Variants in ETV1 observed in about 807,000 individuals in gnomAD.
The protein encoded by ETV1 is ETS variant transcription factor 1.
In ETV1, 27 loss-of-function variants were observed where a neutral mutation model predicts 62.3. That is an observed-to-expected ratio of 0.43 (90% CI 0.32 to 0.60). The LOEUF is 0.60. Among genes scored for constraint, ETV1 ranks in the 20% least tolerant of loss-of-function variants. The pLI, the probability that ETV1 is intolerant of heterozygous loss-of-function variation, is 0.06. For missense variants in ETV1, 605 were observed against 605.8 expected, an observed-to-expected ratio of 1.00 and a Z score of 0.01; for synonymous variants, 222 against 199.6, an observed-to-expected ratio of 1.11 and a Z score of -0.94.
chr7:13,977,493 A>G lies in ETV1; in HGVS notation c.182-13T>C, dbSNP rs1288256080. 1 of 1,485,350 alleles carries G rather than the reference A, an allele frequency of 6.7e-7. No homozygotes were observed. The highest frequency in any genetic ancestry group is 2.3e-5 in the Admixed American group (1 of 43,970). The allele number at this position is 1,485,350 out of a possible 1,614,324, so 92.0% of individuals were successfully genotyped here. A position where few individuals can be genotyped will look rare whatever the true frequency, so the allele number is the denominator to read the frequency against. ...TCAGGTACCTGAGCTGAAGAAGAAA[A>G]AGAAAATTAAAAAAAATTAAGAGAG... On this transcript the variant is annotated splice_polypyrimidine_tract_variant and intron_variant, in intron 5 of 13. Coordinates refer to ENST00000430479, the MANE Select transcript of ETV1 (RefSeq NM_004956.5).
intron 6 of ETV1, chr7:13,975,018 T>C (rs1449680204): frequency 6.6e-6 from 1 of 152,372 alleles, no homozygotes; most frequent in Non-Finnish European, 1.5e-5. Context: ...GAGACAACAA[T>C]GTGGAAGACA....
intron 9 of ETV1, among the ~76,000 whole-genome samples, chr7:13,912,082 T>C (rs534563647): frequency 2.0e-5 from 3 of 152,356 alleles, no homozygotes; most frequent in Admixed American, 2.0e-4. Flanking sequence ...GAACTAATGT[T>C]GACACCCTGC....
intron 9 of ETV1, among the ~76,000 whole-genome samples, chr7:13,915,524 G>A (rs1784052097): frequency 6.6e-6 from 1 of 151,988 alleles, no homozygotes; most frequent in Non-Finnish European, 1.5e-5. Flanking sequence ...TAGATTTTTT[G>A]TTTGCTTACT....
At chr7:13,950,899 AACACACACACACACAC>A (rs67539493) in intron 6 of ETV1, among the ~76,000 whole-genome samples, 24 of 138,910 alleles carry the variant, frequency 1.7e-4, no homozygotes, top group East Asian at 4.3e-4. Flanking sequence ...CTTCTCTAGG[AACACACACACACACAC>A]ACACACACAC....
chr7:13,988,824 T>G, intron 3 of ETV1, 184 bp downstream of exon 3: 3 of 1,602,254 alleles, frequency 1.9e-6, no homozygotes, highest in Non-Finnish European at 2.6e-6. Flanking sequence ...CTTATCCAAA[T>G]CACTGAAAGG....
chr7:13,970,111 A>T (rs76177160), intron 6 of ETV1, among the ~76,000 whole-genome samples: 1 of 151,508 alleles, frequency 6.6e-6, no homozygotes, highest in Non-Finnish European at 1.5e-5. Context: ...AAAAAAAAAA[A>T]TTAGCCTGGC....
Position 13,906,438 on chromosome 7 carries a change from G to C in ETV1, c.1102C>G (p.Pro368Ala). Reference sequence around the variant, plus strand: ...AAATCTATTAAACTAACCTCTTCAGGCTCAATCAGTTTAAATTCCATGCCT... The same window carrying C: ...AAATCTATTAAACTAACCTCTTCAGCCTCAATCAGTTTAAATTCCATGCCT... Reference protein sequence around the residue: ...GRGMEFKLIEPEEVARRWGIQ... With the variant: ...GRGMEFKLIEAEEVARRWGIQ... The change falls in exon 12 of 14, where the codon CCT becomes GCT. Residue 368 changes from proline (P) to alanine (A), a missense_variant. Coordinates refer to ENST00000430479, the MANE Select transcript of ETV1 (RefSeq NM_004956.5). 1 of 1,596,290 alleles carries C rather than the reference G, an allele frequency of 6.3e-7. No homozygotes were observed. Among genetic ancestry groups the C allele is most frequent in the Non-Finnish European group, 8.5e-7 (1 of 1,172,062 alleles).
intron 12 of ETV1, among the ~76,000 whole-genome samples, chr7:13,905,527 CA>C (rs898006900): frequency 3.3e-5 from 5 of 152,160 alleles, no homozygotes; most frequent in African/African-American, 1.2e-4. Flanking sequence ...ATCAGCAGTC[CA>C]AAATGCTATT....
chr7:13,977,438 T>C lies in ETV1; in HGVS notation c.224A>G (p.Gln75Arg). The part of the protein sequence containing the change: ...DNDEQFVPDY[Q>R]AESLAFHGLP... ...CATACTATACTTACAACTTTCAGCC[T>C]GATAGTCTGGTACAAACTGCTCATC... The change falls in exon 6 of 14, where the codon CAG becomes CGG. Residue 75 changes from glutamine (Q) to arginine (R), a missense_variant. Gln to Arg is a conservative substitution (Grantham distance 43, BLOSUM62 1). This residue lies in a region of ETV1 where 426 missense variants were observed against 377.8 expected (regional missense o/e 1.13). Coordinates refer to ENST00000430479, the MANE Select transcript of ETV1 (RefSeq NM_004956.5). 6.5e-7 allele frequency: 1 copy of C among 1,542,906 alleles called. No individual in the cohort carries two copies. Among genetic ancestry groups the C allele is most frequent in the Non-Finnish European group, 8.8e-7 (1 of 1,139,966 alleles).
chr7:13,989,129 C>T lies in ETV1; in HGVS notation c.-77G>A, dbSNP rs1241380056. 7.8e-7 allele frequency: 1 copy of T among 1,280,234 alleles called. No homozygotes were observed. 79.3% of individuals were successfully genotyped at this position (1,280,234 alleles called of 1,614,324 possible). On this transcript the variant is annotated 5_prime_UTR_variant, in exon 3 of 14. Coordinates refer to ENST00000430479, the MANE Select transcript of ETV1 (RefSeq NM_004956.5). Reference sequence around the variant, plus strand: ...GCTGGAGATTTCCTCAGGATCTGGACTTCTATCAACCTAGAGGGGAACAAG... The same window carrying T: ...GCTGGAGATTTCCTCAGGATCTGGATTTCTATCAACCTAGAGGGGAACAAG...
At chr7:13,901,165 C>T (rs371894904) in intron 12 of ETV1, among the ~76,000 whole-genome samples, 1 of 152,156 alleles carries the variant, frequency 6.6e-6, no homozygotes, top group East Asian at 1.9e-4. Flanking sequence ...CCACCACGCC[C>T]GGCTAATTTT....
intron 4 of ETV1, 35 bp from the exon 5 acceptor site, chr7:13,986,720 T>G (rs113828455): frequency 9.3e-6 from 14 of 1,502,376 alleles, no homozygotes; most frequent in Non-Finnish European, 1.3e-5. Context: ...ACATAAGATT[T>G]GCAAATCTTT....
At chr7:13,965,085 C>A (rs757699) in intron 6 of ETV1, among the ~76,000 whole-genome samples, 1 of 151,986 alleles carries the variant, frequency 6.6e-6, no homozygotes, top group South Asian at 2.1e-4. Context: ...CATTCCCAAA[C>A]GGCTGTTCTC....
At chr7:13,909,040 G>A (rs1417505814) in intron 11 of ETV1, among the ~76,000 whole-genome samples, 3 of 151,010 alleles carry the variant, frequency 2.0e-5, no homozygotes, top group African/African-American at 7.3e-5. Flanking sequence ...CCTCTGCATT[G>A]CAATAGCAAG....
intron 9 of ETV1, among the ~76,000 whole-genome samples, chr7:13,930,961 T>C (rs1465527288): frequency 6.6e-6 from 1 of 151,718 alleles, no homozygotes; most frequent in African/African-American, 2.4e-5. Context: ...CCACCATGCC[T>C]GGCTAATTTT....
intron 6 of ETV1, among the ~76,000 whole-genome samples, chr7:13,962,270 T>C (rs762396388): frequency 2.0e-5 from 3 of 151,792 alleles, no homozygotes; most frequent in Non-Finnish European, 4.4e-5. Context: ...ATCCCATTTT[T>C]ATGCAAGAGG....
At position 13,930,911 on chromosome 7, in the gene ETV1, T is replaced by C. The variant is rs193064613; in HGVS notation, c.802+591A>G. 4.3e-4 allele frequency among the ~76,000 whole-genome samples: 64 copies of C among 150,232 alleles called. 1 individual carries two copies. The highest frequency in any genetic ancestry group is 1.4e-3 in the African/African-American group (57 of 40,916). On this transcript the variant is annotated intron_variant, in intron 9 of 13. Transcript: ENST00000430479. ...TGCCTCCCGGGTTCAAGCGATTCTCTTGCCTCAGCCTCCCGAGTAGCTGGG... is the reference window on the plus strand; with the variant it reads ...TGCCTCCCGGGTTCAAGCGATTCTCCTGCCTCAGCCTCCCGAGTAGCTGGG...
rs1781528243 is a variant in ETV1 at position 13,893,578 on chromosome 7, T to C, written c.*2288A>G. 1 of 231,166 alleles carries C rather than the reference T, an allele frequency of 4.3e-6. No homozygotes were observed. Among genetic ancestry groups the C allele is most frequent in the Admixed American group, 5.7e-5 (1 of 17,642 alleles). The allele number at this position is 231,166 out of a possible 1,614,324, so 14.3% of individuals were successfully genotyped here. A position where few individuals can be genotyped will look rare whatever the true frequency, so the allele number is the denominator to read the frequency against. On this transcript the variant is annotated 3_prime_UTR_variant, in exon 14 of 14. Coordinates refer to ENST00000430479, the MANE Select transcript of ETV1 (RefSeq NM_004956.5). ...TTAGCATGGCCCAATTCTTCCTCACTGACTGACTAAAACTAGACTATTAAA... is the reference window on the plus strand; with the variant it reads ...TTAGCATGGCCCAATTCTTCCTCACCGACTGACTAAAACTAGACTATTAAA...
intron 5 of ETV1, 43 bp from the exon 6 acceptor site, chr7:13,977,523 T>G: frequency 7.6e-7 from 1 of 1,322,958 alleles, no homozygotes; most frequent in Non-Finnish European, 1.1e-6. Context: ...AGAGAGAAAC[T>G]GCCAAAAGCA....
Sources: allele counts gnomAD v4.1 joint callset (sites outside exome capture counted in the v4.1 genomes callset), GRCh38; gene constraint gnomAD v4.1.1; regional missense constraint gnomAD v4.1.1; transcripts MANE v1.5; gene names NCBI Gene and HGNC (gene_info 2026-07-23, HGNC 2026-07-21).